MYT1L: variants seen among roughly 807,000 people sequenced by gnomAD.
The protein encoded by MYT1L is myelin transcription factor 1-like protein.
In MYT1L, 12 loss-of-function variants were observed where a neutral mutation model predicts 126.7. That is an observed-to-expected ratio of 0.09 (90% CI 0.06 to 0.15). The LOEUF (loss-of-function observed/expected upper bound fraction) is 0.15. Ranked by LOEUF, MYT1L falls within the 10% of genes least tolerant of loss-of-function variation. The pLI, the probability that MYT1L is intolerant of heterozygous loss-of-function variation, is 1.00. For synonymous variants in MYT1L, 541 were observed against 604.2 expected, an observed-to-expected ratio of 0.90 and a Z score of 1.53; for missense variants, 979 against 1,585.2, an observed-to-expected ratio of 0.62 and a Z score of 6.49.
rs570855264 is a variant in MYT1L, at chr2:1,848,398, GAGGCGGATCTGTGCTCTGAAC to G, written c.2774+3222_2774+3242del. On this transcript the variant is annotated intron_variant, in intron 19 of 24. Transcript: ENST00000647738. This position sits in a 1 kb window ranked among gnomAD's most constrained non-coding sequence, Gnocchi z 4.8. ...AGAATTCCAGACACCACAGGTGCGC[GAGGCGGATCTGTGCTCTGAAC>G]AGGTTCAGGATCATTGTTTGGTGAC... Among the ~76,000 whole-genome samples, 353 of 152,042 alleles carry G rather than the reference GAGGCGGATCTGTGCTCTGAAC, an allele frequency of 2.3e-3. 2 individuals are homozygous for G. Among genetic ancestry groups the G allele is most frequent in the African/African-American group, 8.0e-3 (332 of 41,440 alleles).
At chr2:2,296,847 C>T (rs547776239) in intron 1 of MYT1L, among the ~76,000 whole-genome samples, 6 of 152,222 alleles carry the variant, frequency 3.9e-5, no homozygotes, top group Non-Finnish European at 8.8e-5. Context: ...CACCAGGCCT[C>T]ACCGGTGTGT....
At chr2:2,013,593 C>T (rs1378929787) in intron 4 of MYT1L, among the ~76,000 whole-genome samples, 1 of 152,274 alleles carries the variant, frequency 6.6e-6, no homozygotes, top group Non-Finnish European at 1.5e-5. Context: ...GCTATAACCT[C>T]GGCTGTTGAT....
At chr2:1,855,099 T>G (rs1297864604) in intron 18 of MYT1L, among the ~76,000 whole-genome samples, 1 of 152,196 alleles carries the variant, frequency 6.6e-6, no homozygotes, top group Admixed American at 6.5e-5. Flanking sequence ...TGTTCAAGAA[T>G]TTAAGGCTCT....
chr2:2,117,465 G>A (rs17338533), intron 3 of MYT1L, among the ~76,000 whole-genome samples: 4,337 of 152,114 alleles, frequency 0.029, 110 homozygotes, highest in Non-Finnish European at 0.044. Flanking sequence ...CAGGCGGACC[G>A]CCGTGTAGGG....
At chr2:2,288,083 T>A (rs1384796985) in intron 1 of MYT1L, among the ~76,000 whole-genome samples, 1 of 152,192 alleles carries the variant, frequency 6.6e-6, no homozygotes, top group Non-Finnish European at 1.5e-5. Context: ...TCTAGTTCAT[T>A]TCTAGAGACA....
intron 1 of MYT1L, among the ~76,000 whole-genome samples, chr2:2,299,964 T>C (rs2095758368): frequency 6.6e-6 from 1 of 152,188 alleles, no homozygotes; most frequent in South Asian, 2.1e-4. Context: ...TACCATTTGG[T>C]ATATCAATGG....
At chr2:1,931,066 C>T (rs1177687167) in intron 9 of MYT1L, among the ~76,000 whole-genome samples, 1 of 152,154 alleles carries the variant, frequency 6.6e-6, no homozygotes. Flanking sequence ...TGCACACACC[C>T]TGCATGTGGG....
chr2:2,057,637 A>G (rs1574882605), intron 3 of MYT1L, among the ~76,000 whole-genome samples: 2 of 152,312 alleles, frequency 1.3e-5, no homozygotes, highest in East Asian at 3.9e-4. Context: ...ACTCCTGGCA[A>G]CCACTCATCA....
At chr2:1,839,092 C>T in intron 21 of MYT1L, 57 bp downstream of exon 21, 1 of 1,472,770 alleles carries the variant, frequency 6.8e-7, no homozygotes. Context: ...ACCAGCCGTG[C>T]CAGTCGGCTC....
intron 3 of MYT1L, among the ~76,000 whole-genome samples, chr2:2,166,648 C>G (rs778933192): frequency 3.3e-5 from 5 of 152,174 alleles, no homozygotes; most frequent in Non-Finnish European, 7.3e-5. Flanking sequence ...TGGGAAAGTA[C>G]TCTTTCACGT....
rs1474755265 is a variant in MYT1L, at chr2:2,217,693, ACAACAAC to A, written c.-420-44712_-420-44706del. ...CTCAACAACAACAACAACAACAACA[ACAACAAC>A]AACAACAAAAAAAAAAAAAGAAAGA... On this transcript the variant is annotated intron_variant, in intron 2 of 24. Transcript: ENST00000647738. 6.0e-3 allele frequency among the ~76,000 whole-genome samples: 634 copies of A among 106,260 alleles called. 31 individuals are homozygous for A. Among genetic ancestry groups the A allele is most frequent in the African/African-American group, 0.023 (548 of 24,044 alleles). 69.7% of individuals were successfully genotyped at this position (106,260 alleles called of 152,430 possible).
At chr2:1,938,728 C>T (rs993934041) in intron 9 of MYT1L, among the ~76,000 whole-genome samples, 1 of 152,300 alleles carries the variant, frequency 6.6e-6, no homozygotes, top group African/African-American at 2.4e-5. Context: ...AGCTTCTGCC[C>T]TACCCATCTT....
At chr2:1,899,006 G>A (rs570355197) in intron 14 of MYT1L, among the ~76,000 whole-genome samples, 49 of 152,358 alleles carry the variant, frequency 3.2e-4, no homozygotes, top group African/African-American at 1.1e-3. Context: ...AGGTCTGAGC[G>A]CTGGAGAATT....
intron 10 of MYT1L, among the ~76,000 whole-genome samples, chr2:1,920,939 C>A (rs900718826): frequency 6.6e-6 from 1 of 152,260 alleles, no homozygotes; most frequent in Non-Finnish European, 1.5e-5. Flanking sequence ...TGTGCCCAGG[C>A]ACCTGCCGAG....
In MYT1L at chr2:2,275,673, A is replaced by T. The variant is rs17039499; in HGVS notation, c.-421+8731T>A. 4.4e-3 allele frequency among the ~76,000 whole-genome samples: 674 copies of T among 152,218 alleles called. 3 individuals are homozygous for T. The highest frequency in any genetic ancestry group is 0.015 in the African/African-American group (641 of 41,538). On this transcript the variant is annotated intron_variant, in intron 2 of 24. Transcript: ENST00000647738. ...CGTCCATGGAATGTGAGCATCACTT[A>T]CCTTTCATTTCAATATGTACCGTGA...
intron 2 of MYT1L, among the ~76,000 whole-genome samples, chr2:2,220,468 T>C (rs1262887884): frequency 6.6e-6 from 1 of 152,086 alleles, no homozygotes; most frequent in African/African-American, 2.4e-5. Flanking sequence ...TCTTTTGAAG[T>C]CTCATAGTGG....
intron 2 of MYT1L, among the ~76,000 whole-genome samples, chr2:2,235,334 G>A (rs1011987320): frequency 6.7e-6 from 1 of 148,324 alleles, no homozygotes; most frequent in African/African-American, 2.5e-5. Context: ...TGGTTAGCTG[G>A]TTAGCGTGTT....
At chr2:1,995,318 C>T (rs977692138) in intron 5 of MYT1L, among the ~76,000 whole-genome samples, 1 of 152,154 alleles carries the variant, frequency 6.6e-6, no homozygotes, top group African/African-American at 2.4e-5. Context: ...GTGCCCAGTG[C>T]GGTAGCTGTG....
chr2:2,163,255 G>A, intron 3 of MYT1L, among the ~76,000 whole-genome samples: 1 of 152,036 alleles, frequency 6.6e-6, no homozygotes, highest in African/African-American at 2.4e-5. Flanking sequence ...CCCGAGGTGG[G>A]GGCCTTCATC....
Sources: gnomAD v4.1 joint callset for allele counts (sites outside exome capture counted in the v4.1 genomes callset) on GRCh38, gnomAD v4.1.1 for gene constraint, Gnocchi (gnomAD v3.1) non-coding constraint, MANE v1.5 for transcripts, NCBI Gene and HGNC (gene_info 2026-07-23, HGNC 2026-07-21) for gene names.